Variants in NRXN3 observed in about 807,000 individuals in gnomAD.
The protein encoded by NRXN3 is neurexin 3, also known as neurexin III.
Under a neutral mutation model 137.6 loss-of-function variants are expected in NRXN3, and 32 were observed. That is an observed-to-expected ratio of 0.23 (90% confidence interval 0.18 to 0.31). The LOEUF is 0.31. NRXN3 is among the 10% of genes least tolerant of loss of function. The pLI is 1.00. For missense variants in NRXN3, 1,574 were observed against 2,062.5 expected, an observed-to-expected ratio of 0.76 and a Z score of 4.59; for synonymous variants, 798 against 784.5, an observed-to-expected ratio of 1.02 and a Z score of -0.29.
intron 8 of NRXN3, among the ~76,000 whole-genome samples, 172 bp downstream of exon 8, chr14:78,715,311 G>T (rs925825648): frequency 3.9e-5 from 6 of 152,186 alleles, no homozygotes; most frequent in African/African-American, 1.4e-4. Flanking sequence ...GCTTGGGTTT[G>T]TTTGGCTAAG....
intron 16 of NRXN3, among the ~76,000 whole-genome samples, chr14:79,505,357 G>A (rs1259284234): frequency 6.6e-6 from 1 of 152,148 alleles, no homozygotes; most frequent in Non-Finnish European, 1.5e-5. Context: ...TGTCATTCTG[G>A]GAGTTGGCCA....
At position 79,444,689 on chromosome 14, in the gene NRXN3, A is replaced by T. The variant is rs146593473; in HGVS notation, c.3263-22532A>T. 3.3e-5 allele frequency among the ~76,000 whole-genome samples: 5 copies of T among 152,276 alleles called. No individual in the cohort carries two copies. The East Asian group carries it at 7.7e-4, about 24-fold the overall frequency. ...ATTCCTTTTTTTAAATTAGCTGGAC[A>T]TGGTGACCCATGCCTGTAGTCCCAG... is the stretch of plus-strand genomic sequence containing the variant. On this transcript the variant is annotated intron_variant, in intron 15 of 20. Transcript: ENST00000335750.
rs539748744 is a variant in NRXN3, at chr14:78,806,311, G to A, written c.2248+2488G>A. On this transcript the variant is annotated intron_variant, in intron 9 of 20. Transcript: ENST00000335750. Reference sequence around the variant, plus strand: ...TGTAAATGCAGCTCTTCATATCCACGCCTTGTTTAAAGGTTTTCCTTCCGT... The same window carrying A: ...TGTAAATGCAGCTCTTCATATCCACACCTTGTTTAAAGGTTTTCCTTCCGT... Among the ~76,000 whole-genome samples the A allele has an allele frequency of 4.6e-5, 7 of 152,054 alleles. No individual in the cohort carries two copies. In the East Asian group the frequency reaches 9.7e-4, roughly 21 times the overall value.
chr14:79,693,974 T>C (rs2098725790), intron 18 of NRXN3, among the ~76,000 whole-genome samples: 1 of 151,990 alleles, frequency 6.6e-6, no homozygotes, highest in South Asian at 2.1e-4. Flanking sequence ...TCTTACCTCT[T>C]CCTCTGCCTA....
At chr14:78,220,890 A>T (rs1471724786) in intron 1 of NRXN3, among the ~76,000 whole-genome samples, 1 of 152,074 alleles carries the variant, frequency 6.6e-6, no homozygotes, top group African/African-American at 2.4e-5. Flanking sequence ...TTTTTCAGTA[A>T]AAAAGGAGCC....
At chr14:78,887,402 C>T (rs1209996959) in intron 10 of NRXN3, among the ~76,000 whole-genome samples, 5 of 151,754 alleles carry the variant, frequency 3.3e-5, no homozygotes, top group African/African-American at 1.2e-4. Flanking sequence ...GGGATGTATA[C>T]AGATCTTTTA....
chr14:79,383,421 C>T (rs2094524707), intron 15 of NRXN3, among the ~76,000 whole-genome samples: 1 of 152,094 alleles, frequency 6.6e-6, no homozygotes, highest in South Asian at 2.1e-4. Context: ...TCATGTGTCC[C>T]AAGGAGGCAA....
intron 16 of NRXN3, among the ~76,000 whole-genome samples, chr14:79,629,573 T>G (rs1447355145): frequency 1.3e-5 from 2 of 152,114 alleles, no homozygotes; most frequent in African/African-American, 4.8e-5. Flanking sequence ...GACTAGAATT[T>G]AATTAAAGGC....
chr14:79,598,477 G>C (rs1444554529), intron 16 of NRXN3, among the ~76,000 whole-genome samples: 1 of 152,166 alleles, frequency 6.6e-6, no homozygotes, highest in Non-Finnish European at 1.5e-5. Context: ...TATGCAAGAA[G>C]CTGGGAATTC....
At chr14:78,967,835 T>C (rs1323214768) in intron 13 of NRXN3, among the ~76,000 whole-genome samples, 1 of 152,180 alleles carries the variant, frequency 6.6e-6, no homozygotes, top group African/African-American at 2.4e-5. Context: ...GAAGTTTTGA[T>C]GGCATGTCTG....
chr14:78,612,096 T>C (rs2097305398), intron 4 of NRXN3, among the ~76,000 whole-genome samples: 1 of 152,200 alleles, frequency 6.6e-6, no homozygotes, highest in Non-Finnish European at 1.5e-5. Flanking sequence ...CGTGGTACAT[T>C]GAGGTCCAGA....
chr14:78,311,354 C>A (rs1254701479), intron 4 of NRXN3, among the ~76,000 whole-genome samples: 1 of 152,092 alleles, frequency 6.6e-6, no homozygotes, highest in Non-Finnish European at 1.5e-5. Flanking sequence ...TCCTGTGATC[C>A]CATTATGCTT....
intron 16 of NRXN3, among the ~76,000 whole-genome samples, chr14:79,483,084 C>A (rs1266095012): frequency 6.6e-6 from 1 of 152,126 alleles, no homozygotes; most frequent in Admixed American, 6.5e-5. Context: ...TAGGGGAAAA[C>A]TATAGAAGTC....
intron 19 of NRXN3, among the ~76,000 whole-genome samples, chr14:79,756,781 C>G (rs904815436): frequency 1.3e-5 from 2 of 152,174 alleles, no homozygotes; most frequent in Non-Finnish European, 2.9e-5. Context: ...TGACCAAAAT[C>G]TATAAGCCCA....
intron 16 of NRXN3, among the ~76,000 whole-genome samples, chr14:79,526,486 A>G (rs2097121699): frequency 6.6e-6 from 1 of 152,164 alleles, no homozygotes; most frequent in Non-Finnish European, 1.5e-5. Context: ...TTAATCCTAT[A>G]CAATGTTAGC....
chr14:79,612,215 A>G (rs977974644), intron 16 of NRXN3, among the ~76,000 whole-genome samples: 1 of 152,158 alleles, frequency 6.6e-6, no homozygotes, highest in African/African-American at 2.4e-5. Flanking sequence ...TATTACTATT[A>G]TCACCTATAT....
chr14:79,159,695 C>T (rs1027893496), intron 15 of NRXN3, among the ~76,000 whole-genome samples: 9 of 151,736 alleles, frequency 5.9e-5, no homozygotes, highest in Non-Finnish European at 1.0e-4. Flanking sequence ...CATTCTCTCA[C>T]CCAAGCTTCA....
chr14:78,766,532 A>G (rs1455903881), intron 8 of NRXN3, among the ~76,000 whole-genome samples: 1 of 152,212 alleles, frequency 6.6e-6, no homozygotes, highest in Non-Finnish European at 1.5e-5. Flanking sequence ...CCACAAGTTG[A>G]TTGTGGATAT....
chr14:79,133,697 G>A lies in NRXN3; in HGVS notation c.3262+145556G>A, dbSNP rs560261311. ...TCCCAGCACTTTGGGAGGCCGAGGC[G>A]GGTGGATCACGAGGTCAGGGGATCG... On this transcript the variant is annotated intron_variant, in intron 15 of 20. Transcript: ENST00000335750. Among the ~76,000 whole-genome samples the A allele has an allele frequency of 2.1e-3, 326 of 152,064 alleles. 2 individuals carry two copies. The highest frequency in any genetic ancestry group is 5.5e-3 in the African/African-American group (229 of 41,490).
Sources: allele counts gnomAD v4.1 joint callset (sites outside exome capture counted in the v4.1 genomes callset), GRCh38; gene constraint gnomAD v4.1.1; transcripts MANE v1.5; gene names NCBI Gene and HGNC (gene_info 2026-07-23, HGNC 2026-07-21).